The following KCNH1 variants were observed in gnomAD, a reference collection of about 807,000 sequenced individuals.
KCNH1 encodes the protein voltage-gated delayed rectifier potassium channel KCNH1.
Under a neutral mutation model 69.2 loss-of-function variants are expected in KCNH1, and 27 were observed. The ratio of observed to expected loss-of-function variants is 0.39; its 90% CI spans 0.29 to 0.54. The LOEUF is 0.54. KCNH1 is among the 20% of genes least tolerant of loss of function. KCNH1 has a pLI of 0.68. For synonymous variants in KCNH1, 456 were observed against 487.7 expected (o/e 0.93, Z 0.86); for missense variants, 798 against 1,261.6 (o/e 0.63, Z 5.57).
rs546323810 is a variant in KCNH1, at chr1:210,957,820, A to G, written c.1033-37751T>C. Among the ~76,000 whole-genome samples, 5 of 152,066 alleles carry G rather than the reference A, an allele frequency of 3.3e-5. No homozygotes were observed. The East Asian group carries it at 9.7e-4, about 29-fold the overall frequency. ...GCCTATGTGTGTCTCTGCACATGAGATGGGTCTCCTGAATACAGCACACTG... is the reference window on the plus strand; with the variant it reads ...GCCTATGTGTGTCTCTGCACATGAGGTGGGTCTCCTGAATACAGCACACTG... On this transcript the variant is annotated intron_variant, in intron 6 of 10. Transcript: ENST00000271751.
intron 5 of KCNH1, among the ~76,000 whole-genome samples, chr1:211,025,349 A>G (rs1038419700): frequency 6.6e-6 from 1 of 152,312 alleles, no homozygotes; most frequent in Admixed American, 6.5e-5. Context: ...AAGGAAAGCT[A>G]GAAATCCAGA....
chr1:211,062,379 G>A (rs1363167719), intron 5 of KCNH1, among the ~76,000 whole-genome samples: 2 of 152,028 alleles, frequency 1.3e-5, no homozygotes, highest in Non-Finnish European at 2.9e-5. Flanking sequence ...AAACATTGGG[G>A]AAACTCTCCA....
chr1:210,788,685 C>CTTTCTTTTTTTTTTT (rs1684152196), intron 9 of KCNH1, among the ~76,000 whole-genome samples: 2 of 80,712 alleles, frequency 2.5e-5, no homozygotes, highest in African/African-American at 9.9e-5. Flanking sequence ...TAGCTTCTTT[C>CTTTCTTTTTTTTTTT]TTTTTTTTTT....
At chr1:210,999,534 T>C (rs777965419) in intron 6 of KCNH1, among the ~76,000 whole-genome samples, 2 of 151,774 alleles carry the variant, frequency 1.3e-5, no homozygotes, top group East Asian at 1.9e-4. Flanking sequence ...AGCTTACCAA[T>C]CAAAAAAAGT....
chr1:210,737,359 C>CA (rs1460553481), intron 10 of KCNH1, among the ~76,000 whole-genome samples: 1 of 152,108 alleles, frequency 6.6e-6, no homozygotes, highest in Non-Finnish European at 1.5e-5. Context: ...TCTTCCAGTA[C>CA]AAAAAATGTT....
chr1:211,048,069 A>G (rs1690125552), intron 5 of KCNH1, among the ~76,000 whole-genome samples: 1 of 152,272 alleles, frequency 6.6e-6, no homozygotes, highest in African/African-American at 2.4e-5. Context: ...TGGCCAACAG[A>G]CATATTAAAA....
chr1:211,057,909 T>C (rs1023761043), intron 5 of KCNH1, among the ~76,000 whole-genome samples: 2 of 152,054 alleles, frequency 1.3e-5, no homozygotes, highest in African/African-American at 4.8e-5. Flanking sequence ...CCTCAAGACA[T>C]TTAATAATCA....
intron 10 of KCNH1, among the ~76,000 whole-genome samples, chr1:210,736,823 C>T (rs534124543): frequency 6.6e-6 from 1 of 152,238 alleles, no homozygotes; most frequent in Non-Finnish European, 1.5e-5. Context: ...GGCTCTAATT[C>T]TCACAGTACT....
chr1:210,935,833 C>G (rs1335421420), intron 6 of KCNH1, among the ~76,000 whole-genome samples: 1 of 152,172 alleles, frequency 6.6e-6, no homozygotes, highest in African/African-American at 2.4e-5. Flanking sequence ...GTTGGTAAAT[C>G]TCAGTAAACT....
intron 10 of KCNH1, among the ~76,000 whole-genome samples, chr1:210,773,880 C>T (rs536766500): frequency 1.3e-5 from 2 of 152,268 alleles, no homozygotes; most frequent in South Asian, 4.1e-4. Flanking sequence ...TCAGTTGGCA[C>T]AATACTGGGT....
chr1:210,742,028 G>C (rs1683044557), intron 10 of KCNH1, among the ~76,000 whole-genome samples: 1 of 152,186 alleles, frequency 6.6e-6, no homozygotes, highest in South Asian at 2.1e-4. Context: ...AACTGGGTGA[G>C]CTGCCAGGCT....
intron 3 of KCNH1, among the ~76,000 whole-genome samples, chr1:211,093,406 C>T (rs1435222442): frequency 2.0e-5 from 3 of 152,210 alleles, no homozygotes; most frequent in Non-Finnish European, 2.9e-5. Flanking sequence ...CTGCCTCAGC[C>T]TCCTGGGTAG....
chr1:210,834,683 A>AT (rs1420021920), intron 7 of KCNH1, among the ~76,000 whole-genome samples: 1 of 103,626 alleles, frequency 9.7e-6, no homozygotes, highest in Non-Finnish European at 1.9e-5. Flanking sequence ...TTAAAGTATA[A>AT]TTAAAAAAAA....
intron 7 of KCNH1, among the ~76,000 whole-genome samples, chr1:210,820,467 C>T (rs994208773): frequency 6.6e-6 from 1 of 151,974 alleles, no homozygotes; most frequent in African/African-American, 2.4e-5. Flanking sequence ...AACCCTGTCT[C>T]TACTAAAAAT....
intron 10 of KCNH1, among the ~76,000 whole-genome samples, chr1:210,700,896 C>G (rs1681756499): frequency 6.6e-6 from 1 of 151,958 alleles, no homozygotes; most frequent in Non-Finnish European, 1.5e-5. Context: ...AAATTTTTCT[C>G]TTTTCATTTA....
intron 6 of KCNH1, among the ~76,000 whole-genome samples, chr1:210,938,098 T>C (rs1301350945): frequency 1.3e-5 from 2 of 152,228 alleles, no homozygotes; most frequent in Admixed American, 1.3e-4. Flanking sequence ...TAACCTTCAG[T>C]CTATCTCCTA....
chr1:211,115,648 A>C (rs535657607), intron 1 of KCNH1, among the ~76,000 whole-genome samples: 14 of 148,282 alleles, frequency 9.4e-5, no homozygotes, highest in African/African-American at 3.4e-4. Flanking sequence ...CAGCTTGCAG[A>C]CAGGCTATTG....
intron 10 of KCNH1, among the ~76,000 whole-genome samples, chr1:210,729,264 T>C (rs1425273681): frequency 6.6e-6 from 1 of 152,218 alleles, no homozygotes; most frequent in Non-Finnish European, 1.5e-5. Flanking sequence ...GGTTTTCTTT[T>C]ATGTCCTTAT....
At chr1:210,877,524 A>C (rs1439123669) in intron 7 of KCNH1, among the ~76,000 whole-genome samples, 2 of 152,210 alleles carry the variant, frequency 1.3e-5, no homozygotes, top group Non-Finnish European at 2.9e-5. Context: ...CTTCATGAGC[A>C]ACATTACTGA....
Sources: gnomAD v4.1 joint callset for allele counts (sites outside exome capture counted in the v4.1 genomes callset) on GRCh38, gnomAD v4.1.1 for gene constraint, MANE v1.5 for transcripts, NCBI Gene and HGNC (gene_info 2026-07-23, HGNC 2026-07-21) for gene names.